RBFOX1: variants seen among roughly 807,000 people sequenced by gnomAD.
RBFOX1 encodes the protein RNA binding protein fox-1 homolog 1.
A neutral mutation model predicts 57.7 loss-of-function variants in RBFOX1; 8 were observed. That is an observed-to-expected ratio of 0.14 (90% CI 0.08 to 0.25). The LOEUF (loss-of-function observed/expected upper bound fraction) is 0.25. Among genes scored for constraint, RBFOX1 ranks in the 10% least tolerant of loss-of-function variants. The probability of loss-of-function intolerance (pLI) is 1.00; values close to 1 mark genes in which losing one functional copy is unlikely to be tolerated. For synonymous variants in RBFOX1, 326 were observed against 222.4 expected, an observed-to-expected ratio of 1.47 and a Z score of -4.15; for missense variants, 611 against 548.5, an observed-to-expected ratio of 1.11 and a Z score of -1.14.
intron 4 of RBFOX1, among the ~76,000 whole-genome samples, chr16:7,141,072 G>A (rs1002127352): frequency 6.6e-6 from 1 of 152,160 alleles, no homozygotes; most frequent in Admixed American, 6.5e-5. Flanking sequence ...GGAACCTCCT[G>A]ACGATGAGCT....
intron 1 of RBFOX1, among the ~76,000 whole-genome samples, chr16:5,303,941 C>T (rs1280301747): frequency 1.3e-5 from 2 of 152,074 alleles, no homozygotes; most frequent in African/African-American, 2.4e-5. Context: ...GAGTTTGGAT[C>T]CATAAATACA....
chr16:7,159,512 C>A (rs1263448110), intron 4 of RBFOX1, among the ~76,000 whole-genome samples: 1 of 152,194 alleles, frequency 6.6e-6, no homozygotes, highest in Admixed American at 6.5e-5. Context: ...GGAAATCACG[C>A]TCCATGCGCT....
chr16:5,689,460 T>A (rs2050602539), intron 3 of RBFOX1, among the ~76,000 whole-genome samples: 1 of 152,148 alleles, frequency 6.6e-6, no homozygotes, highest in African/African-American at 2.4e-5. Context: ...TAGGACTAGT[T>A]GCCTGCTCAA....
chr16:5,268,917 A>AT (rs149694271), intron 1 of RBFOX1, among the ~76,000 whole-genome samples: 24,966 of 144,942 alleles, frequency 0.17, 2,312 homozygotes, highest in East Asian at 0.35. Flanking sequence ...TATTTTCTCT[A>AT]TTTTTTTTTT....
intron 4 of RBFOX1, among the ~76,000 whole-genome samples, chr16:5,883,022 C>A (rs2057801650): frequency 6.6e-6 from 1 of 152,136 alleles, no homozygotes; most frequent in Admixed American, 6.6e-5. Flanking sequence ...ATGATCCAGA[C>A]CCTGCTCTTA....
chr16:7,240,151 G>A (rs2093983989), intron 4 of RBFOX1, among the ~76,000 whole-genome samples: 1 of 152,084 alleles, frequency 6.6e-6, no homozygotes, highest in African/African-American at 2.4e-5. Flanking sequence ...ATTTTCAGTA[G>A]CGAAAGGGTT....
intron 3 of RBFOX1, among the ~76,000 whole-genome samples, chr16:5,769,461 T>C (rs2151670950): frequency 6.9e-6 from 1 of 145,734 alleles, no homozygotes; most frequent in East Asian, 2.0e-4. Context: ...GCCAACATGA[T>C]GAAAGCCCAT....
chr16:5,259,639 A>G (rs913240450), intron 1 of RBFOX1, among the ~76,000 whole-genome samples: 3 of 152,166 alleles, frequency 2.0e-5, no homozygotes, highest in Non-Finnish European at 4.4e-5. Flanking sequence ...AGAGACAAAA[A>G]TCATTTTAAG....
chr16:6,837,027 G>A (rs889084368), intron 3 of RBFOX1, among the ~76,000 whole-genome samples: 2 of 152,100 alleles, frequency 1.3e-5, no homozygotes, highest in Admixed American at 6.5e-5. Context: ...CTATTTACTC[G>A]GCTTTTACAG....
intron 3 of RBFOX1, among the ~76,000 whole-genome samples, chr16:5,682,220 T>C (rs2050363264): frequency 6.6e-6 from 1 of 152,220 alleles, no homozygotes; most frequent in Admixed American, 6.5e-5. Flanking sequence ...GATTAATAAA[T>C]GCATCATGCC....
intron 1 of RBFOX1, among the ~76,000 whole-genome samples, chr16:5,440,603 C>G (rs1465374470): frequency 1.3e-5 from 2 of 152,118 alleles, no homozygotes; most frequent in African/African-American, 2.4e-5. Context: ...TATTTTATCC[C>G]TGTGATGCTC....
chr16:5,484,984 A>G (rs949578168), intron 2 of RBFOX1, among the ~76,000 whole-genome samples: 2 of 151,978 alleles, frequency 1.3e-5, no homozygotes, highest in African/African-American at 4.8e-5. Flanking sequence ...GCTTGAGTCT[A>G]GGAGTTTGAA....
At chr16:6,732,864 C>A (rs1324468340) in intron 3 of RBFOX1, among the ~76,000 whole-genome samples, 2 of 152,136 alleles carry the variant, frequency 1.3e-5, no homozygotes, top group Non-Finnish European at 2.9e-5. Flanking sequence ...AAACTTTTCA[C>A]AACAAATTTG....
At chr16:7,062,716 A>G (rs986090201) in intron 4 of RBFOX1, among the ~76,000 whole-genome samples, 1 of 152,068 alleles carries the variant, frequency 6.6e-6, no homozygotes, top group African/African-American at 2.4e-5. Context: ...GAAGAAAACA[A>G]GCATGATTGA....
At chr16:7,574,830 C>T (rs577083429) in intron 5 of RBFOX1, among the ~76,000 whole-genome samples, 2 of 152,150 alleles carry the variant, frequency 1.3e-5, no homozygotes, top group African/African-American at 4.8e-5. Flanking sequence ...GACAGCCTGA[C>T]AGGAACATTC....
At chr16:6,999,756 C>T (rs2092623167) in intron 3 of RBFOX1, among the ~76,000 whole-genome samples, 1 of 151,946 alleles carries the variant, frequency 6.6e-6, no homozygotes, top group East Asian at 1.9e-4. Flanking sequence ...ACTGTATTGT[C>T]ATTAATGTTA....
Position 7,551,528 on chromosome 16 carries a change from G to A in RBFOX1, c.271-28249G>A, listed in dbSNP as rs143753818. ...GCCAATAGCTCTGTGCTACTGAGCTGACATTGTTTTGAGGGAAATGGTCAA... is the reference window on the plus strand; with the variant it reads ...GCCAATAGCTCTGTGCTACTGAGCTAACATTGTTTTGAGGGAAATGGTCAA... On this transcript the variant is annotated intron_variant, in intron 5 of 15. Coordinates refer to ENST00000550418, the MANE Select transcript of RBFOX1 (RefSeq NM_018723.4). Among the ~76,000 whole-genome samples, 452 of 152,340 alleles carry A rather than the reference G, an allele frequency of 3.0e-3. 1 individual carries two copies. Among genetic ancestry groups the A allele is most frequent in the African/African-American group, 0.01 (426 of 41,570 alleles).
At chr16:6,000,042 T>C (rs2060569250) in intron 4 of RBFOX1, among the ~76,000 whole-genome samples, 1 of 152,058 alleles carries the variant, frequency 6.6e-6, no homozygotes, top group African/African-American at 2.4e-5. Flanking sequence ...GCAGGCTGTG[T>C]GGGATGACTG....
At chr16:6,608,253 T>C (rs2154021620) in intron 2 of RBFOX1, among the ~76,000 whole-genome samples, 1 of 152,300 alleles carries the variant, frequency 6.6e-6, no homozygotes, top group Non-Finnish European at 1.5e-5. Flanking sequence ...TAATCATTAA[T>C]AGATACCTGA....
Sources: gnomAD v4.1 joint callset for allele counts (sites outside exome capture counted in the v4.1 genomes callset) on GRCh38, gnomAD v4.1.1 for gene constraint, MANE v1.5 for transcripts, NCBI Gene and HGNC (gene_info 2026-07-23, HGNC 2026-07-21) for gene names.